LRP5: variants seen among roughly 807,000 people sequenced by gnomAD.
LRP5 encodes low-density lipoprotein receptor-related protein 5.
LRP5 carries 62 observed loss-of-function variants against 154.1 expected under a neutral mutation model. That is an observed-to-expected ratio of 0.40 (90% CI 0.33 to 0.50). LRP5 has a LOEUF of 0.50. LRP5 is among the 20% of genes least tolerant of loss of function. The pLI, the probability that LRP5 is intolerant of heterozygous loss-of-function variation, is 0.55. For missense variants in LRP5, 1,915 were observed against 2,336.7 expected (o/e 0.82, Z 3.72); for synonymous variants, 966 against 1,011.5 (o/e 0.96, Z 0.85).
chr11:68,443,452 T>G (rs1452061045), intron 21 of LRP5, among the ~76,000 whole-genome samples: 3 of 126,968 alleles, frequency 2.4e-5, no homozygotes, highest in African/African-American at 6.1e-5. Context: ...ATCGCGCCAT[T>G]GCACTCCAGC....
chr11:68,440,158 A>G (rs2098677405), intron 21 of LRP5, among the ~76,000 whole-genome samples: 1 of 152,160 alleles, frequency 6.6e-6, no homozygotes, highest in Admixed American at 6.5e-5. Flanking sequence ...TCCACCTCCT[A>G]GAGTGGCTGT....
the LRP5 span, among the ~76,000 whole-genome samples, chr11:68,300,712 G>A: frequency 6.7e-6 from 1 of 149,478 alleles, no homozygotes; most frequent in Non-Finnish European, 1.5e-5. Context: ...GGAGGTCCAT[G>A]GTCCAGCTCC....
intron 19 of LRP5, 63 bp downstream of exon 19, chr11:68,437,062 T>G (rs1467975569): frequency 7.2e-7 from 1 of 1,393,932 alleles, no homozygotes. Context: ...AACGTGGAGT[T>G]TAGGGGAGGA....
At chr11:68,347,619 G>A (rs1252028115) in intron 1 of LRP5, among the ~76,000 whole-genome samples, 1 of 152,236 alleles carries the variant, frequency 6.6e-6, no homozygotes. Context: ...TGCTGTCACC[G>A]AATGTGGGAA....
chr11:68,427,617 T>C (rs545751397), intron 16 of LRP5, among the ~76,000 whole-genome samples: 2 of 152,082 alleles, frequency 1.3e-5, no homozygotes, highest in South Asian at 4.2e-4. Context: ...GAGGCGGAAG[T>C]TGCAGTGAGC....
chr11:68,432,594 G>A (rs1047643382), intron 17 of LRP5, among the ~76,000 whole-genome samples: 5 of 152,230 alleles, frequency 3.3e-5, no homozygotes, highest in Admixed American at 2.0e-4. Context: ...TGAAACCGAT[G>A]TTTTTTACCT....
intron 8 of LRP5, among the ~76,000 whole-genome samples, chr11:68,406,165 G>C (rs900676258): frequency 2.0e-5 from 3 of 152,246 alleles, no homozygotes; most frequent in African/African-American, 7.2e-5. Flanking sequence ...ACAAGGTCCA[G>C]TCAGAGCCCG....
intron 6 of LRP5, among the ~76,000 whole-genome samples, chr11:68,389,512 ACATTTACCAACACCAG>A (rs1235555146): frequency 7.2e-5 from 11 of 152,120 alleles, no homozygotes; most frequent in African/African-American, 2.2e-4. Context: ...ACCAACACCG[ACATTTACCAACACCAG>A]CATTTACCAA....
At chr11:68,334,166 G>A (rs1486856725) in intron 1 of LRP5, among the ~76,000 whole-genome samples, 5 of 152,186 alleles carry the variant, frequency 3.3e-5, no homozygotes, top group Non-Finnish European at 5.9e-5. Flanking sequence ...CCCAGGAGGC[G>A]GACGTTGCAG....
chr11:68,354,774 G>A (rs2098621772), intron 2 of LRP5, among the ~76,000 whole-genome samples: 2 of 152,198 alleles, frequency 1.3e-5, no homozygotes, highest in African/African-American at 2.4e-5. Context: ...CCAGCCTTTC[G>A]GGGCCTCAGT....
chr11:68,436,937 T>G lies in LRP5; in HGVS notation c.4049T>G (p.Leu1350Arg), dbSNP rs531205284. The G allele has an allele frequency of 6.1e-5, 99 of 1,613,920 alleles. 1 individual carries two copies. The South Asian group carries it at 1.1e-3, about 17-fold the overall frequency. Residue 1350 changes from leucine to arginine, a missense_variant, in exon 19 of 23, where the codon CTC becomes CGC. Leu to Arg is a moderately radical substitution (Grantham distance 102, BLOSUM62 -2). This residue lies in a region of LRP5 where 1,094 missense variants were observed against 1,210.1 expected (regional missense o/e 0.90). Coordinates refer to ENST00000294304, the MANE Select transcript of LRP5 (RefSeq NM_002335.4). Reference sequence around the variant, plus strand: ...CGGTGTGCGAGCGGCCAGTGTGTCCTCATCAAACAGCAGTGCGACTCCTTC... The same window carrying G: ...CGGTGTGCGAGCGGCCAGTGTGTCCGCATCAAACAGCAGTGCGACTCCTTC... The part of the protein sequence containing the change: ...QFRCASGQCV[L>R]IKQQCDSFPD...
At chr11:68,328,140 C>T (rs1215319092) in intron 1 of LRP5, among the ~76,000 whole-genome samples, 1 of 152,238 alleles carries the variant, frequency 6.6e-6, no homozygotes, top group African/African-American at 2.4e-5. Flanking sequence ...AGTTCCCTGG[C>T]ATGGTACAGT....
chr11:68,403,750 G>A, intron 8 of LRP5, 51 bp downstream of exon 8: 1 of 1,604,456 alleles, frequency 6.2e-7, no homozygotes, highest in Non-Finnish European at 8.5e-7. Context: ...ACTTGCATGA[G>A]GAGGAAGTGA....
intron 1 of LRP5, among the ~76,000 whole-genome samples, chr11:68,336,444 A>G (rs2098605747): frequency 6.6e-6 from 1 of 152,110 alleles, no homozygotes. Flanking sequence ...TTACTATACC[A>G]TATGTTTGCA....
At chr11:68,302,417 C>G in the LRP5 span, among the ~76,000 whole-genome samples, 1 of 151,698 alleles carries the variant, frequency 6.6e-6, no homozygotes, top group Non-Finnish European at 1.5e-5. Context: ...TGTTCCTGTC[C>G]TGGGTTCCAC....
intron 5 of LRP5, 38 bp downstream of exon 5, chr11:68,365,740 C>CCCCCCCCCG: frequency 1.1e-5 from 1 of 92,746 alleles, no homozygotes; most frequent in African/African-American, 4.7e-5. Context: ...GCGGGCGGGG[C>CCCCCCCCCG]GGGGCCTGGC....
intron 14 of LRP5, among the ~76,000 whole-genome samples, chr11:68,424,846 C>G (rs1224409515): frequency 6.6e-6 from 1 of 152,246 alleles, no homozygotes; most frequent in African/African-American, 2.4e-5. Context: ...AGGGCCTACC[C>G]TCACCCATTG....
intron 20 of LRP5, among the ~76,000 whole-genome samples, chr11:68,439,510 C>T (rs2098676942): frequency 1.3e-5 from 2 of 152,226 alleles, no homozygotes; most frequent in Non-Finnish European, 1.5e-5. Context: ...GTGCTCTGTG[C>T]TGCCCCGCCT....
upstream of LRP5, chr11:68,312,578 C>A: frequency 4.9e-6 from 1 of 202,570 alleles, no homozygotes; most frequent in Non-Finnish European, 8.6e-6. Flanking sequence ...GCGCGCCCAG[C>A]TCCCTCCTCC....
Sources: gnomAD v4.1 joint callset for allele counts (sites outside exome capture counted in the v4.1 genomes callset) on GRCh38, gnomAD v4.1.1 for gene constraint, gnomAD v4.1.1 regional missense constraint, MANE v1.5 for transcripts, NCBI Gene and HGNC (gene_info 2026-07-23, HGNC 2026-07-21) for gene names.